PTPRM: variants seen among roughly 807,000 people sequenced by gnomAD.
PTPRM encodes the protein receptor-type tyrosine-protein phosphatase mu.
In PTPRM, 47 loss-of-function variants were observed where a neutral mutation model predicts 186.7. The observed-to-expected ratio is 0.25, with a 90% CI of 0.20 to 0.32. The LOEUF (loss-of-function observed/expected upper bound fraction) is 0.32. Among genes scored for constraint, PTPRM ranks in the 10% least tolerant of loss-of-function variants. The pLI is 1.00. For missense variants in PTPRM, 1,494 were observed against 1,865.0 expected (o/e 0.80, Z 3.66); for synonymous variants, 668 against 674.9 (o/e 0.99, Z 0.16).
intron 7 of PTPRM, among the ~76,000 whole-genome samples, chr18:7,964,249 A>C (rs1378461318): frequency 6.6e-6 from 1 of 152,234 alleles, no homozygotes; most frequent in Non-Finnish European, 1.5e-5. Flanking sequence ...TTAAATTATC[A>C]TAGAGGCTTA....
At chr18:7,950,631 A>G (rs919918183) in intron 6 of PTPRM, among the ~76,000 whole-genome samples, 1 of 152,280 alleles carries the variant, frequency 6.6e-6, no homozygotes, top group Non-Finnish European at 1.5e-5. Context: ...GATCAAATGC[A>G]AAGTGTATAT....
At chr18:7,581,187 T>G (rs2036836349) in intron 1 of PTPRM, among the ~76,000 whole-genome samples, 1 of 152,176 alleles carries the variant, frequency 6.6e-6, no homozygotes, top group African/African-American at 2.4e-5. Flanking sequence ...TTGTAACAGG[T>G]AACAGAGAAG....
intron 4 of PTPRM, among the ~76,000 whole-genome samples, chr18:7,907,141 A>G (rs955742038): frequency 2.0e-5 from 3 of 152,248 alleles, no homozygotes; most frequent in Non-Finnish European, 2.9e-5. Flanking sequence ...TAAAATTTCT[A>G]CTATGAACAA....
At chr18:8,306,976 TATTTC>T (rs2095228674) in intron 20 of PTPRM, among the ~76,000 whole-genome samples, 2 of 152,216 alleles carry the variant, frequency 1.3e-5, no homozygotes, top group African/African-American at 4.8e-5. Context: ...AGGTGAATGA[TATTTC>T]AAGAACATAT....
intron 20 of PTPRM, among the ~76,000 whole-genome samples, chr18:8,297,181 C>T (rs192057214): frequency 4.5e-4 from 69 of 152,308 alleles, no homozygotes; most frequent in Middle Eastern, 3.4e-3. Context: ...AAGGCACTGA[C>T]AGGCCCGCTG....
chr18:7,832,737 G>A (rs901064748), intron 2 of PTPRM, among the ~76,000 whole-genome samples: 1 of 152,114 alleles, frequency 6.6e-6, no homozygotes, highest in Non-Finnish European at 1.5e-5. Context: ...TATTGTAGTA[G>A]TTCTATTGTT....
chr18:7,735,718 C>T (rs543006373), intron 1 of PTPRM, among the ~76,000 whole-genome samples: 1 of 152,132 alleles, frequency 6.6e-6, no homozygotes, highest in Non-Finnish European at 1.5e-5. Context: ...TAGTCTGGCA[C>T]CTTTCAAGGT....
intron 22 of PTPRM, among the ~76,000 whole-genome samples, chr18:8,324,888 T>C (rs1002309642): frequency 2.6e-5 from 4 of 152,220 alleles, no homozygotes; most frequent in East Asian, 3.9e-4. Flanking sequence ...ATAGGTGACC[T>C]TGGGGATTAC....
At chr18:7,732,673 ATTTT>A (rs1410321390) in intron 1 of PTPRM, among the ~76,000 whole-genome samples, 2 of 151,616 alleles carry the variant, frequency 1.3e-5, no homozygotes, top group Admixed American at 6.6e-5. Flanking sequence ...TGCCTGGCTA[ATTTT>A]TGAAATTGTT....
intron 7 of PTPRM, among the ~76,000 whole-genome samples, chr18:8,039,035 A>G (rs12968811): frequency 6.6e-6 from 1 of 152,160 alleles, no homozygotes; most frequent in South Asian, 2.1e-4. Flanking sequence ...TTATGATTTT[A>G]TGCAACTCAG....
chr18:8,374,337 A>C (rs1325838562), intron 24 of PTPRM, among the ~76,000 whole-genome samples: 1 of 152,058 alleles, frequency 6.6e-6, no homozygotes, highest in Non-Finnish European at 1.5e-5. Context: ...ACACCCCAAA[A>C]ACCCACCAGG....
intron 13 of PTPRM, among the ~76,000 whole-genome samples, chr18:8,132,727 G>A (rs1397711410): frequency 1.3e-5 from 2 of 152,156 alleles, no homozygotes; most frequent in Non-Finnish European, 2.9e-5. Context: ...CTCACTTTGT[G>A]TCTCTCTGAT....
chr18:8,284,070 C>A (rs915902926), intron 19 of PTPRM, among the ~76,000 whole-genome samples: 2 of 152,100 alleles, frequency 1.3e-5, no homozygotes, highest in African/African-American at 4.8e-5. Context: ...ATTTTCTTTG[C>A]TGAAACAACA....
At chr18:8,052,116 A>G (rs2087545445) in intron 7 of PTPRM, among the ~76,000 whole-genome samples, 1 of 152,154 alleles carries the variant, frequency 6.6e-6, no homozygotes, top group African/African-American at 2.4e-5. Flanking sequence ...ATTCCTAGTA[A>G]GCTTCCAGGC....
At chr18:8,003,771 A>G (rs1447580933) in intron 7 of PTPRM, among the ~76,000 whole-genome samples, 2 of 152,222 alleles carry the variant, frequency 1.3e-5, no homozygotes, top group African/African-American at 4.8e-5. Context: ...GCTTCATTTA[A>G]TGCACATTTG....
At chr18:7,834,363 T>C (rs182374833) in intron 2 of PTPRM, among the ~76,000 whole-genome samples, 1 of 149,462 alleles carries the variant, frequency 6.7e-6, no homozygotes, top group East Asian at 2.0e-4. Context: ...TCAATATTCA[T>C]CAGAAATATT....
At chr18:8,256,271 G>A (rs2094573852) in intron 19 of PTPRM, among the ~76,000 whole-genome samples, 1 of 152,122 alleles carries the variant, frequency 6.6e-6, no homozygotes, top group African/African-American at 2.4e-5. Context: ...CACAGGCTCT[G>A]GCACCCGACT....
chr18:8,041,362 A>G (rs1376873007), intron 7 of PTPRM, among the ~76,000 whole-genome samples: 1 of 152,130 alleles, frequency 6.6e-6, no homozygotes, highest in Non-Finnish European at 1.5e-5. Flanking sequence ...TTGGTGGTAT[A>G]TAGACACACA....
At position 7,906,611 on chromosome 18, in the gene PTPRM, G is replaced by A. The variant is rs180833822; in HGVS notation, c.547+28G>A. The A allele has an allele frequency of 2.2e-5, 34 of 1,519,374 alleles. No homozygotes were observed. In the African/African-American group the frequency reaches 2.5e-4, roughly 11 times the overall value. The allele number at this position is 1,519,374 out of a possible 1,614,324, so 94.1% of individuals were successfully genotyped here. ...AAGTTGTCTTTATTTGTAAATATTC[G>A]GGTACATCATTGGGGGCATGTTTAC... On this transcript the variant is annotated intron_variant, in intron 4 of 32. Transcript: ENST00000580170.
Sources: gnomAD v4.1 joint callset for allele counts (sites outside exome capture counted in the v4.1 genomes callset) on GRCh38, gnomAD v4.1.1 for gene constraint, MANE v1.5 for transcripts, NCBI Gene and HGNC (gene_info 2026-07-23, HGNC 2026-07-21) for gene names.